ASIC2: variants seen among roughly 807,000 people sequenced by gnomAD.
ASIC2 encodes the protein acid sensing ion channel subunit 2, also known as acid-sensing ion channel 2.
In ASIC2, 25 loss-of-function variants were observed where a neutral mutation model predicts 57.3. The observed-to-expected ratio is 0.44, with a 90% CI of 0.32 to 0.61. The LOEUF (loss-of-function observed/expected upper bound fraction) is 0.61. ASIC2 is among the 20% of genes least tolerant of loss of function. The pLI is 0.06. For synonymous variants in ASIC2, 319 were observed against 307.5 expected (o/e 1.04, Z -0.39); for missense variants, 641 against 738.1 (o/e 0.87, Z 1.52).
chr17:33,503,154 AC>A (rs1017672638), intron 1 of ASIC2, among the ~76,000 whole-genome samples: 1 of 152,154 alleles, frequency 6.6e-6, no homozygotes, highest in Non-Finnish European at 1.5e-5. Flanking sequence ...TAAAGCATAT[AC>A]CCTATAGTGT....
intron 1 of ASIC2, chr17:34,155,824 C>A: frequency 1.2e-6 from 1 of 817,490 alleles, no homozygotes. Flanking sequence ...AACCAGCTCG[C>A]ACAACTCTGA....
chr17:33,415,698 A>G (rs1910819331), intron 1 of ASIC2, among the ~76,000 whole-genome samples: 1 of 152,146 alleles, frequency 6.6e-6, no homozygotes. Context: ...AGAGAAAGAG[A>G]GAGAGCTGGA....
At chr17:33,103,813 C>T (rs1332318070) in intron 2 of ASIC2, among the ~76,000 whole-genome samples, 1 of 152,156 alleles carries the variant, frequency 6.6e-6, no homozygotes, top group Non-Finnish European at 1.5e-5. Context: ...TCACCCATGC[C>T]CTCAGCTGTG....
chr17:33,758,777 C>A (rs957703707), intron 1 of ASIC2, among the ~76,000 whole-genome samples: 24 of 152,210 alleles, frequency 1.6e-4, no homozygotes, highest in Admixed American at 1.2e-3. Flanking sequence ...GAGTTCCCAA[C>A]AAGAAGAAGG....
chr17:33,181,344 A>G (rs181666954), intron 1 of ASIC2, among the ~76,000 whole-genome samples: 4 of 152,326 alleles, frequency 2.6e-5, no homozygotes, highest in African/African-American at 4.8e-5. Context: ...ATTAAACACA[A>G]TAAAACTCTT....
chr17:33,364,040 C>T (rs1567836545), intron 1 of ASIC2, among the ~76,000 whole-genome samples: 1 of 152,104 alleles, frequency 6.6e-6, no homozygotes, highest in Non-Finnish European at 1.5e-5. Context: ...GCCCAATGCT[C>T]TTGTTTGATG....
At chr17:33,313,704 A>C (rs1344180676) in intron 1 of ASIC2, among the ~76,000 whole-genome samples, 1 of 152,088 alleles carries the variant, frequency 6.6e-6, no homozygotes, top group African/African-American at 2.4e-5. Flanking sequence ...AGCTGATTGA[A>C]TCTCTGCTCT....
intron 1 of ASIC2, among the ~76,000 whole-genome samples, chr17:33,497,245 CA>C (rs1381730827): frequency 6.6e-6 from 1 of 152,226 alleles, no homozygotes; most frequent in African/African-American, 2.4e-5. Flanking sequence ...TGCTCTGGGT[CA>C]AACCTTCTTG....
At chr17:33,688,844 C>G (rs1908276860) in intron 1 of ASIC2, 1 of 152,146 alleles carries the variant, frequency 6.6e-6, no homozygotes, top group Admixed American at 6.6e-5. Context: ...GCCCATACTT[C>G]CCCAGGTGTC....
intron 1 of ASIC2, among the ~76,000 whole-genome samples, chr17:33,738,784 C>T (rs1465915121): frequency 6.6e-6 from 1 of 152,206 alleles, no homozygotes; most frequent in Non-Finnish European, 1.5e-5. Context: ...TTCTTCTGGG[C>T]TCTCCCGCTA....
At chr17:33,853,397 A>T (rs2141917480) in intron 1 of ASIC2, among the ~76,000 whole-genome samples, 1 of 152,332 alleles carries the variant, frequency 6.6e-6, no homozygotes, top group East Asian at 1.9e-4. Flanking sequence ...TGCTGGGCAC[A>T]CATGCATTGA....
At chr17:33,718,618 G>A (rs1307672962) in intron 1 of ASIC2, among the ~76,000 whole-genome samples, 1 of 152,098 alleles carries the variant, frequency 6.6e-6, no homozygotes, top group African/African-American at 2.4e-5. Context: ...ATGTCCTTGC[G>A]AGCAGACACC....
chr17:33,356,501 G>A (rs1201441980), intron 1 of ASIC2, among the ~76,000 whole-genome samples: 1 of 152,052 alleles, frequency 6.6e-6, no homozygotes, highest in Non-Finnish European at 1.5e-5. Flanking sequence ...TGATGATGTG[G>A]GTGCAATCTG....
chr17:33,846,034 C>A (rs1295555236), intron 1 of ASIC2, among the ~76,000 whole-genome samples: 2 of 152,144 alleles, frequency 1.3e-5, no homozygotes, highest in Non-Finnish European at 2.9e-5. Flanking sequence ...GTTTTCTGAA[C>A]TGCAGAATTT....
intron 1 of ASIC2, among the ~76,000 whole-genome samples, chr17:33,613,369 CTTTT>C (rs546720725): frequency 7.9e-6 from 1 of 126,846 alleles, no homozygotes; most frequent in African/African-American, 2.9e-5. Context: ...AATGTGTATT[CTTTT>C]TTTTTTTTTT....
intron 1 of ASIC2, among the ~76,000 whole-genome samples, chr17:33,403,180 G>A (rs190431693): frequency 3.3e-5 from 5 of 152,200 alleles, no homozygotes; most frequent in South Asian, 2.1e-4. Context: ...GAGTGCACTC[G>A]GGCAGAGCCT....
intron 1 of ASIC2, among the ~76,000 whole-genome samples, chr17:33,993,147 C>A (rs1368122150): frequency 6.6e-6 from 1 of 152,160 alleles, no homozygotes; most frequent in African/African-American, 2.4e-5. Context: ...TGCTCCAGTG[C>A]CCATGACTGC....
At chr17:33,320,346 T>C (rs1000147781) in intron 1 of ASIC2, among the ~76,000 whole-genome samples, 1 of 152,196 alleles carries the variant, frequency 6.6e-6, no homozygotes, top group Middle Eastern at 3.2e-3. Context: ...CCTGAGTCTT[T>C]CAAGCTTTAA....
intron 1 of ASIC2, among the ~76,000 whole-genome samples, chr17:33,819,039 T>C (rs1039984624): frequency 2.0e-5 from 3 of 152,226 alleles, no homozygotes; most frequent in African/African-American, 7.2e-5. Flanking sequence ...GGGAGTCTTT[T>C]GGGTTATGAC....
Sources: allele counts gnomAD v4.1 joint callset (sites outside exome capture counted in the v4.1 genomes callset), GRCh38; gene constraint gnomAD v4.1.1; transcripts MANE v1.5; gene names NCBI Gene and HGNC (gene_info 2026-07-23, HGNC 2026-07-21).